The following RNF217 variants were observed in gnomAD, a reference collection of about 807,000 sequenced individuals.
RNF217 encodes the protein ring finger protein 217.
Under a neutral mutation model 57.8 loss-of-function variants are expected in RNF217, and 31 were observed. That is an observed-to-expected ratio of 0.54 (90% CI 0.40 to 0.72). The LOEUF (loss-of-function observed/expected upper bound fraction) is 0.72. Ranked by LOEUF, RNF217 falls within the 30% of genes least tolerant of loss-of-function variation. The pLI, the probability that RNF217 is intolerant of heterozygous loss-of-function variation, is 0.00. For synonymous variants in RNF217, 313 were observed against 294.0 expected (o/e 1.06, Z -0.66); for missense variants, 696 against 708.3 (o/e 0.98, Z 0.20).
chr6:125,031,913 G>T (rs1786378492), intron 1 of RNF217, among the ~76,000 whole-genome samples: 1 of 152,142 alleles, frequency 6.6e-6, no homozygotes, highest in Non-Finnish European at 1.5e-5. Flanking sequence ...AGACTGGGAA[G>T]AAAAAGAGGT....
In RNF217 at chr6:125,015,594, G is replaced by A. The variant is rs147746240; in HGVS notation, c.883-29617G>A. On this transcript the variant is annotated intron_variant, in intron 1 of 5. Transcript: ENST00000521654. ...CAAGTTATGATAGTATGTAGAGTATGATCACTATTTTACTTACGTTTTAAT... is the reference window on the plus strand; with the variant it reads ...CAAGTTATGATAGTATGTAGAGTATAATCACTATTTTACTTACGTTTTAAT... Among the ~76,000 whole-genome samples the A allele has an allele frequency of 2.2e-3, 329 of 152,004 alleles. 2 individuals carry two copies. The highest frequency in any genetic ancestry group is 3.8e-3 in the Non-Finnish European group (256 of 67,944).
chr6:125,071,400 T>C (rs180810337), intron 3 of RNF217, among the ~76,000 whole-genome samples: 7 of 152,150 alleles, frequency 4.6e-5, no homozygotes, highest in Non-Finnish European at 8.8e-5. Context: ...TTTTGGATAT[T>C]GTGTTTTGTT....
chr6:125,040,199 G>A lies in RNF217; in HGVS notation c.883-5012G>A, dbSNP rs1284190174. ...AACAAAATAGATAGACCACTAGCTA[G>A]ACTAATAAAGAAGAAAATAGAGGAG... On this transcript the variant is annotated intron_variant, in intron 1 of 5. Coordinates refer to ENST00000521654, the MANE Select transcript of RNF217 (RefSeq NM_001286398.3). Among the ~76,000 whole-genome samples the A allele has an allele frequency of 6.6e-5, 10 of 152,090 alleles. No homozygotes were observed. The East Asian group carries it at 1.7e-3, about 26-fold the overall frequency.
At chr6:125,081,713 G>A (rs547562233) in intron 5 of RNF217, among the ~76,000 whole-genome samples, 1 of 152,158 alleles carries the variant, frequency 6.6e-6, no homozygotes, top group Non-Finnish European at 1.5e-5. Context: ...TTCAGTCTAT[G>A]AACACTGTGA....
At chr6:124,988,634 T>G (rs970994115) in intron 1 of RNF217, among the ~76,000 whole-genome samples, 1 of 152,232 alleles carries the variant, frequency 6.6e-6, no homozygotes, top group Admixed American at 6.5e-5. Flanking sequence ...ATCCTACATT[T>G]TTGCCACCAT....
At chr6:125,017,716 T>C (rs1785664737) in intron 1 of RNF217, among the ~76,000 whole-genome samples, 1 of 152,198 alleles carries the variant, frequency 6.6e-6, no homozygotes, top group Non-Finnish European at 1.5e-5. Context: ...TGCCATTAAC[T>C]TTGGAAGGTT....
chr6:125,025,423 G>C lies in RNF217; in HGVS notation c.883-19788G>C, dbSNP rs551602694. Among the ~76,000 whole-genome samples, 7 of 152,276 alleles carry C rather than the reference G, an allele frequency of 4.6e-5. No homozygotes were observed. In the South Asian group the frequency reaches 1.2e-3, roughly 27 times the overall value. ...GAAACTTGAGCATGCTTATCAGTTTGAGTGTCTGAAGTTAGCAGAGGGAGG... is the reference window on the plus strand; with the variant it reads ...GAAACTTGAGCATGCTTATCAGTTTCAGTGTCTGAAGTTAGCAGAGGGAGG... On this transcript the variant is annotated intron_variant, in intron 1 of 5. Coordinates refer to ENST00000521654, the MANE Select transcript of RNF217 (RefSeq NM_001286398.3).
At chr6:125,071,531 T>A in intron 3 of RNF217, among the ~76,000 whole-genome samples, 1 of 149,138 alleles carries the variant, frequency 6.7e-6, no homozygotes, top group East Asian at 1.9e-4. Flanking sequence ...TGTGTGTGTG[T>A]GTGTGTATAT....
intron 2 of RNF217, chr6:125,048,101 G>A (rs1214633059): frequency 1.2e-6 from 1 of 844,642 alleles, no homozygotes; most frequent in Non-Finnish European, 1.7e-6. Context: ...TGTGGTTTAT[G>A]TTAACATTAA....
At chr6:125,028,694 AATT>A (rs1786216666) in intron 1 of RNF217, among the ~76,000 whole-genome samples, 1 of 152,136 alleles carries the variant, frequency 6.6e-6, no homozygotes, top group Non-Finnish European at 1.5e-5. Context: ...TAAATTATGC[AATT>A]ATTCTCTTTT....
intron 1 of RNF217, among the ~76,000 whole-genome samples, chr6:125,042,486 A>C (rs1351202669): frequency 6.6e-6 from 1 of 152,130 alleles, no homozygotes; most frequent in East Asian, 1.9e-4. Flanking sequence ...TCTTTGGTTC[A>C]GTGTAGTAGG....
intron 5 of RNF217, chr6:125,082,516 TC>T: frequency 6.2e-7 from 1 of 1,612,738 alleles, no homozygotes; most frequent in Non-Finnish European, 8.5e-7. Context: ...AACATTTGGC[TC>T]CACAGCCTGT....
At chr6:124,998,852 T>A (rs1343654384) in intron 1 of RNF217, among the ~76,000 whole-genome samples, 1 of 152,196 alleles carries the variant, frequency 6.6e-6, no homozygotes, top group African/African-American at 2.4e-5. Context: ...TAAGCACCTG[T>A]ATGGTTGTAA....
intron 1 of RNF217, among the ~76,000 whole-genome samples, chr6:124,968,379 A>G (rs1260103106): frequency 6.6e-6 from 1 of 152,000 alleles, no homozygotes; most frequent in African/African-American, 2.4e-5. Flanking sequence ...GTGCAGTAAC[A>G]TTTGCTTTCA....
chr6:125,020,749 T>A (rs1044233093), intron 1 of RNF217, among the ~76,000 whole-genome samples: 1 of 152,148 alleles, frequency 6.6e-6, no homozygotes, highest in African/African-American at 2.4e-5. Flanking sequence ...ATGTATGGAC[T>A]ATTACAGATC....
intron 1 of RNF217, among the ~76,000 whole-genome samples, chr6:125,042,811 C>T (rs1334635614): frequency 6.6e-6 from 1 of 151,952 alleles, no homozygotes; most frequent in African/African-American, 2.4e-5. Flanking sequence ...ATTGCTGCTT[C>T]CATTGCTATC....
chr6:125,080,630 T>A (rs185442825), intron 4 of RNF217, among the ~76,000 whole-genome samples: 1 of 152,204 alleles, frequency 6.6e-6, no homozygotes, highest in Admixed American at 6.6e-5. Flanking sequence ...CAACATGTAT[T>A]TACTAACCTC....
intron 1 of RNF217, among the ~76,000 whole-genome samples, chr6:125,025,302 A>T (rs1480988569): frequency 6.6e-6 from 1 of 152,184 alleles, no homozygotes; most frequent in African/African-American, 2.4e-5. Flanking sequence ...ATAATCTTTC[A>T]TTTGGCTTGG....
chr6:124,988,747 G>A (rs947413009), intron 1 of RNF217, among the ~76,000 whole-genome samples: 2 of 152,054 alleles, frequency 1.3e-5, no homozygotes, highest in East Asian at 1.9e-4. Flanking sequence ...TTCTTTAATC[G>A]TTAACACCTT....
Sources: gnomAD v4.1 joint callset for allele counts (sites outside exome capture counted in the v4.1 genomes callset) on GRCh38, gnomAD v4.1.1 for gene constraint, MANE v1.5 for transcripts, NCBI Gene and HGNC (gene_info 2026-07-23, HGNC 2026-07-21) for gene names.